COL12A1: variants seen among roughly 807,000 people sequenced by gnomAD.
COL12A1 encodes the protein collagen type XII alpha 1 chain.
A neutral mutation model predicts 349.7 loss-of-function variants in COL12A1; 114 were observed. The ratio of observed to expected loss-of-function variants is 0.33; its 90% CI spans 0.28 to 0.38. The LOEUF (loss-of-function observed/expected upper bound fraction) is 0.38. Ranked by LOEUF, COL12A1 falls within the 10% of genes least tolerant of loss-of-function variation. COL12A1 has a pLI of 1.00. For missense variants in COL12A1, 3,284 were observed against 3,756.9 expected (o/e 0.87, Z 3.29); for synonymous variants, 1,369 against 1,329.0 (o/e 1.03, Z -0.66).
intron 8 of COL12A1, among the ~76,000 whole-genome samples, chr6:75,187,498 A>C (rs1388581288): frequency 1.3e-5 from 2 of 152,120 alleles, no homozygotes; most frequent in African/African-American, 4.8e-5. Context: ...AGAAAAGTGG[A>C]GGTGAGTGAG....
In COL12A1 at chr6:75,151,230, G is replaced by T. The variant is rs913180274; in HGVS notation, c.4058C>A (p.Thr1353Asn). ...AAAATCTGCCACATTGTATGCATGGGTATCATCAGGATCAGTTGCAATCAT... is the reference window on the plus strand; with the variant it reads ...AAAATCTGCCACATTGTATGCATGGTTATCATCAGGATCAGTTGCAATCAT... ...LKMIATDPDD[T>N]HAYNVADFES... is the part of the protein sequence containing the mutation. Residue 1353 changes from threonine (T) to asparagine (N), a missense_variant, in exon 21 of 66, where the codon ACC (threonine) becomes AAC (asparagine). Physicochemically the swap from Thr to Asn is moderately conservative, Grantham distance 65. Coordinates refer to ENST00000322507, the MANE Select transcript of COL12A1 (RefSeq NM_004370.6). The T allele has an allele frequency of 1.2e-6, 2 of 1,613,256 alleles. No homozygotes were observed. The highest frequency in any genetic ancestry group is 1.7e-4 in the Middle Eastern group (1 of 6,054).
chr6:75,110,051 C>T (rs575028785), intron 51 of COL12A1, among the ~76,000 whole-genome samples: 231 of 152,094 alleles, frequency 1.5e-3, no homozygotes, highest in Non-Finnish European at 2.4e-3. Context: ...ATGGAATCAC[C>T]GCCAAACCAT....
intron 14 of COL12A1, among the ~76,000 whole-genome samples, chr6:75,161,578 C>T (rs1768029383): frequency 1.3e-5 from 2 of 152,128 alleles, no homozygotes; most frequent in African/African-American, 4.8e-5. Flanking sequence ...TGGAAGCATT[C>T]CCTTTGAAAA....
intron 26 of COL12A1, 114 bp from the exon 27 acceptor site, chr6:75,142,275 G>T: frequency 7.8e-7 from 1 of 1,288,110 alleles, no homozygotes; most frequent in South Asian, 1.4e-5. Context: ...TCAGAAAAGA[G>T]CAGTGTTTTC....
Position 75,105,273 on chromosome 6 carries a change from G to C in COL12A1, c.8198C>G (p.Pro2733Arg), listed in dbSNP as rs1768494060. 6.2e-7 allele frequency: 1 copy of C among 1,613,524 alleles called. No homozygotes were observed. The highest frequency in any genetic ancestry group is 1.1e-5 in the South Asian group (1 of 91,032). Residue 2733 changes from proline to arginine, a missense_variant, in exon 54 of 66, where the codon CCT (proline) becomes CGT (arginine). By Grantham distance (103) the Pro-to-Arg change is moderately radical. This residue lies in a region of COL12A1 where 683 missense variants were observed against 932.1 expected (regional missense o/e 0.73). Transcript: ENST00000322507. ...IPSRRDEGKC[P>R]AFPNSCTCTQ... ...ACATGTGCAAGAATTTGGAAAAGCAGGGCATTTTCCCTCATCTCTCTGAAA... is the reference window on the plus strand; with the variant it reads ...ACATGTGCAAGAATTTGGAAAAGCACGGCATTTTCCCTCATCTCTCTGAAA...
chr6:75,130,716 C>T, intron 36 of COL12A1, 136 bp downstream of exon 36: 1 of 1,133,136 alleles, frequency 8.8e-7, no homozygotes. Context: ...ATGTTTTCGC[C>T]TGGAATGTAA....
chr6:75,152,100 G>T, intron 19 of COL12A1, 31 bp downstream of exon 19: 1 of 1,613,734 alleles, frequency 6.2e-7, no homozygotes. Flanking sequence ...AGAAGCATGA[G>T]CTGAAAGACT....
intron 65 of COL12A1, chr6:75,087,320 C>A: frequency 4.7e-6 from 2 of 422,718 alleles, no homozygotes; most frequent in South Asian, 8.3e-5. Flanking sequence ...TTTGAAGTCC[C>A]AAGAGAAGTA....
intron 13 of COL12A1, among the ~76,000 whole-genome samples, chr6:75,169,697 T>C (rs1182767916): frequency 6.6e-6 from 1 of 152,224 alleles, no homozygotes; most frequent in Non-Finnish European, 1.5e-5. Flanking sequence ...TCTCTGGTAA[T>C]AGAAATTCTG....
chr6:75,147,641 A>T (rs1471013481), intron 23 of COL12A1, 34 bp downstream of exon 23: 13 of 1,568,934 alleles, frequency 8.3e-6, no homozygotes, highest in East Asian at 4.6e-5. Flanking sequence ...TTGGAAAAGA[A>T]AGCAATGAGA....
Position 75,132,001 on chromosome 6 carries a change from C to G in COL12A1, c.5876G>C (p.Gly1959Ala). 6.2e-7 allele frequency: 1 copy of G among 1,614,110 alleles called. No individual in the cohort carries two copies. The highest frequency in any genetic ancestry group is 8.5e-7 in the Non-Finnish European group (1 of 1,179,984). ...SLDVRWDPAP[G>A]PVLQYRVVYS... ...CACAACGCGATATTGCAGCACAGGT[C>G]CTGGAGCAGGGTCCCAGCGAACATC... Residue 1959 changes from glycine to alanine, a missense_variant, in exon 35 of 66, where the codon GGA becomes GCA. This residue lies in a region of COL12A1 where 2,601 missense variants were observed against 2,824.8 expected (regional missense o/e 0.92). Transcript: ENST00000322507.
chr6:75,160,820 A>T (rs1344192313), intron 14 of COL12A1, among the ~76,000 whole-genome samples: 1 of 152,214 alleles, frequency 6.6e-6, no homozygotes, highest in Non-Finnish European at 1.5e-5. Flanking sequence ...AATTTTCCAG[A>T]GGTTAATTGA....
intron 10 of COL12A1, 121 bp from the exon 11 acceptor site, chr6:75,181,332 C>A (rs1175205285): frequency 1.2e-5 from 11 of 925,536 alleles, no homozygotes; most frequent in Non-Finnish European, 1.7e-5. Flanking sequence ...CTCATTGAGA[C>A]TACTGTACTG....
chr6:75,194,797 G>A (rs1368531235), intron 3 of COL12A1, 34 bp downstream of exon 3: 1 of 1,320,270 alleles, frequency 7.6e-7, no homozygotes, highest in Non-Finnish European at 1.1e-6. Flanking sequence ...TCATCATGAT[G>A]CTTCTGTCCT....
rs368328098 is a variant in COL12A1 at position 75,101,730 on chromosome 6, AT to A, written c.8470-78del. On this transcript the variant is annotated intron_variant, in intron 57 of 65. Transcript: ENST00000322507. ...GGAGAGAATCTTTGTTATTTTCCAA[AT>A]TTTTTTTTTAATTCCAGAGACTCTG... 5.1e-3 allele frequency: 7,083 copies of A among 1,388,930 alleles called. 22 individuals are homozygous for A. Among genetic ancestry groups the A allele is most frequent in the African/African-American group, 0.028 (1,894 of 68,180 alleles). 86.0% of individuals were successfully genotyped at this position (1,388,930 alleles called of 1,614,324 possible). A position where few individuals can be genotyped will look rare whatever the true frequency, so the allele number is the denominator to read the frequency against.
chr6:75,181,245 C>T (rs775988563), intron 10 of COL12A1, 34 bp from the exon 11 acceptor site: 3 of 1,553,054 alleles, frequency 1.9e-6, no homozygotes, highest in Non-Finnish European at 2.6e-6. Flanking sequence ...GTTAAAAATG[C>T]TTGAATCTAT....
At position 75,101,630 on chromosome 6, in the gene COL12A1, T is replaced by C; in HGVS notation, c.8493A>G (p.Pro2831=). The change falls in exon 58 of 66, where the codon CCA becomes CCG. Residue 2831 remains proline, a synonymous_variant. Transcript: ENST00000322507. ...CTCCTGGAGGTCCCATTGGTCCTGG[T>C]GGGCCAGGTAATCCTGGGGTTCCCT... is the stretch of plus-strand genomic sequence containing the variant. The part of the protein sequence containing the change: ...GRTGTPGLPG[P]PGPMGPPGDR... 6.2e-7 allele frequency: 1 copy of C among 1,613,918 alleles called. No individual in the cohort carries two copies. Among genetic ancestry groups the C allele is most frequent in the Non-Finnish European group, 8.5e-7 (1 of 1,179,860 alleles).
rs1768365159 is a variant in COL12A1, at chr6:75,102,714, C to T, written c.8320-22G>A. 2.0e-6 allele frequency: 3 copies of T among 1,485,856 alleles called. No individual in the cohort carries two copies. The South Asian group carries it at 4.1e-5, about 20-fold the overall frequency. 92.0% of individuals were successfully genotyped at this position (1,485,856 alleles called of 1,614,324 possible). On this transcript the variant is annotated intron_variant, in intron 55 of 65. Transcript: ENST00000322507. ...GCCCCTAAAATACACAAGAGAGAGA[C>T]AACCACAAAGTAATGTAATACCTTT...
chr6:75,169,862 A>G (rs1346818172), intron 13 of COL12A1, among the ~76,000 whole-genome samples: 3 of 152,198 alleles, frequency 2.0e-5, no homozygotes, highest in African/African-American at 4.8e-5. Context: ...ATAAAACTCT[A>G]TCAGGTTTTG....
Sources: allele counts gnomAD v4.1 joint callset (sites outside exome capture counted in the v4.1 genomes callset), GRCh38; gene constraint gnomAD v4.1.1; regional missense constraint gnomAD v4.1.1; transcripts MANE v1.5; gene names NCBI Gene and HGNC (gene_info 2026-07-23, HGNC 2026-07-21).